The following DNASE1 variants were observed in gnomAD, a reference collection of about 807,000 sequenced individuals.
The protein encoded by DNASE1 is deoxyribonuclease 1.
Under a neutral mutation model 33.9 loss-of-function variants are expected in DNASE1, and 40 were observed. That is an observed-to-expected ratio of 1.18 (90% CI 0.92 to 1.54). The LOEUF is 1.54. DNASE1 is among the 40% of genes most tolerant of loss of function. DNASE1 has a pLI of 0.00. For synonymous variants in DNASE1, 216 were observed against 160.0 expected (o/e 1.35, Z -2.64); for missense variants, 518 against 372.6 (o/e 1.39, Z -3.21).
chr16:3,638,259 G>A (rs2041931329), upstream of DNASE1, among the ~76,000 whole-genome samples: 1 of 151,998 alleles, frequency 6.6e-6, no homozygotes, highest in East Asian at 1.9e-4. Context: ...CTGCTTTTAA[G>A]ACTTTTTAAT....
chr16:3,663,513 C>G lies in DNASE1; in HGVS notation c.*5560C>G, dbSNP rs141361125. 1.8e-5 allele frequency: 29 copies of G among 1,614,002 alleles called. No homozygotes were observed. The highest frequency in any genetic ancestry group is 3.3e-4 in the Middle Eastern group (2 of 6,084). Reference sequence around the variant, plus strand: ...GATCAGCTTCTTCTTGTCAAACTCACGAAGGTGCAGCAGGGTGAGCTCATC... The same window carrying G: ...GATCAGCTTCTTCTTGTCAAACTCAGGAAGGTGCAGCAGGGTGAGCTCATC... On this transcript the variant is annotated 3_prime_UTR_variant, in exon 10 of 10. Transcript: ENST00000407479.
rs1178927210 is a variant in DNASE1, at chr16:3,654,981, C to T, written c.-65C>T. On this transcript the variant is annotated 5_prime_UTR_variant, in exon 1 of 9. Coordinates refer to ENST00000246949, the MANE Select transcript of DNASE1 (RefSeq NM_005223.4). ...AGCAGCAAAAGGAGAAAATTGTCATCAAAGGATATTCCAGATTCTTGACAG... is the reference window on the plus strand; with the variant it reads ...AGCAGCAAAAGGAGAAAATTGTCATTAAAGGATATTCCAGATTCTTGACAG... 4.3e-6 allele frequency: 2 copies of T among 469,048 alleles called. No individual in the cohort carries two copies. The highest frequency in any genetic ancestry group is 4.0e-5 in the African/African-American group (2 of 50,328). The allele number at this position is 469,048 out of a possible 1,614,324, so 29.1% of individuals were successfully genotyped here. A position where few individuals can be genotyped will look rare whatever the true frequency, so the allele number is the denominator to read the frequency against.
At chr16:3,632,707 T>G (rs1161003766) in intron 1 of DNASE1, among the ~76,000 whole-genome samples, 1 of 152,022 alleles carries the variant, frequency 6.6e-6, no homozygotes, top group Middle Eastern at 3.2e-3. Flanking sequence ...TGCCTCAGCC[T>G]CCTAAGTAGC....
At chr16:3,621,043 C>G (rs2041293224) in intron 1 of DNASE1, among the ~76,000 whole-genome samples, 1 of 152,022 alleles carries the variant, frequency 6.6e-6, no homozygotes, top group Non-Finnish European at 1.5e-5. Context: ...CGTGATCCAC[C>G]CGCCTCAGCC....
In DNASE1 at chr16:3,621,230, C is replaced by T. The variant is rs894275735; in HGVS notation, c.-1359+9224C>T. 1.1e-4 allele frequency among the ~76,000 whole-genome samples: 17 copies of T among 152,182 alleles called. 2 individuals are homozygous for T. Among genetic ancestry groups the T allele is most frequent in the Non-Finnish European group, 1.2e-4 (8 of 68,016 alleles). On this transcript the variant is annotated intron_variant and NMD_transcript_variant, in intron 1 of 11. Coordinates refer to the DNASE1 transcript ENST00000570769. ...TATCCCGAGTAGCCAAGAGTACAAG[C>T]GTGTGCCACCACACCCAACTGACTT...
upstream of DNASE1, chr16:3,640,903 A>G (rs1038031261): frequency 2.5e-6 from 1 of 398,358 alleles, no homozygotes; most frequent in Non-Finnish European, 4.4e-6. Flanking sequence ...CCCGTCACCC[A>G]TGAGCTCTCA....
intron 1 of DNASE1, among the ~76,000 whole-genome samples, chr16:3,636,428 C>G (rs2041869106): frequency 6.6e-6 from 1 of 152,134 alleles, no homozygotes; most frequent in South Asian, 2.1e-4. Flanking sequence ...ATTTCTGAGT[C>G]TGGGTTTGAT....
downstream of DNASE1, chr16:3,662,264 C>CGCTG (rs917757466): frequency 2.8e-5 from 30 of 1,080,088 alleles, 1 homozygote; most frequent in East Asian, 1.6e-4. Flanking sequence ...CCTGGACCAG[C>CGCTG]GCTGCTCCCT....
At position 3,657,896 on chromosome 16, in the gene DNASE1, T is replaced by C. The variant is rs200124550; in HGVS notation, c.802-10T>C. 70 of 1,613,918 alleles carry C rather than the reference T, an allele frequency of 4.3e-5. No homozygotes were observed. Among genetic ancestry groups the C allele is most frequent in the Non-Finnish European group, 5.8e-5 (69 of 1,180,008 alleles). ...GGCTCAGCCCAGACCCTGTGCCCAC[T>C]TGCCTGCAGGCCCAAGCCATCAGTG... is the stretch of plus-strand genomic sequence containing the variant. On this transcript the variant is annotated splice_polypyrimidine_tract_variant and intron_variant, in intron 8 of 8. Transcript: ENST00000246949.
chr16:3,627,816 T>C (rs1448787262), intron 1 of DNASE1, among the ~76,000 whole-genome samples: 2 of 152,110 alleles, frequency 1.3e-5, no homozygotes, highest in East Asian at 3.9e-4. Flanking sequence ...TGCAGTTTGT[T>C]AGTAAGTTTT....
At chr16:3,625,681 A>G (rs966030224) in intron 1 of DNASE1, among the ~76,000 whole-genome samples, 2 of 152,172 alleles carry the variant, frequency 1.3e-5, no homozygotes, top group African/African-American at 2.4e-5. Context: ...AAAAAGGCAT[A>G]GGAGGGAATC....
chr16:3,659,492 A>AG (rs1410809931), downstream of DNASE1: 2 of 152,206 alleles, frequency 1.3e-5, no homozygotes, highest in Non-Finnish European at 2.9e-5. Flanking sequence ...CAAACCAAAA[A>AG]GTAAAGAATG....
chr16:3,656,326 C>T (rs771591786), intron 4 of DNASE1, 141 bp downstream of exon 4: 34 of 938,048 alleles, frequency 3.6e-5, no homozygotes, highest in Non-Finnish European at 5.2e-5. Context: ...GTGAAAACAC[C>T]CCAAGGTCCC....
chr16:3,641,538 G>A (rs1303257822), upstream of DNASE1, among the ~76,000 whole-genome samples: 1 of 152,196 alleles, frequency 6.6e-6, no homozygotes, highest in East Asian at 1.9e-4. Context: ...CTGTCCTGGA[G>A]GCCATCCCTG....
chr16:3,615,329 C>A (rs78583939), intron 1 of DNASE1, among the ~76,000 whole-genome samples: 1 of 152,078 alleles, frequency 6.6e-6, no homozygotes, highest in Non-Finnish European at 1.5e-5. Flanking sequence ...AACTGGGGCA[C>A]CTGCTTCTTT....
intron 1 of DNASE1, among the ~76,000 whole-genome samples, chr16:3,646,837 A>G (rs1156263859): frequency 1.3e-5 from 2 of 152,034 alleles, no homozygotes; most frequent in African/African-American, 4.8e-5. Context: ...CTCAGGGTGC[A>G]TGGTGCGGGC....
intron 1 of DNASE1, among the ~76,000 whole-genome samples, chr16:3,648,273 A>G (rs1466571917): frequency 7.3e-5 from 11 of 151,556 alleles, no homozygotes; most frequent in Admixed American, 7.2e-4. Context: ...GTGAAAAGCC[A>G]CTGCAGTGGC....
At chr16:3,662,733 G>T (rs1346353964), downstream of DNASE1, 1 of 749,492 alleles carries the variant, frequency 1.3e-6, no homozygotes, top group Non-Finnish European at 2.3e-6. Flanking sequence ...CACGTGCCGA[G>T]CAGGGACCCA....
chr16:3,636,938 A>G (rs570660669), intron 1 of DNASE1, among the ~76,000 whole-genome samples: 2 of 151,838 alleles, frequency 1.3e-5, no homozygotes, highest in African/African-American at 4.8e-5. Flanking sequence ...AGCCTGATCA[A>G]CATGGCGAAA....
Sources: gnomAD v4.1 joint callset for allele counts (sites outside exome capture counted in the v4.1 genomes callset) on GRCh38, gnomAD v4.1.1 for gene constraint, MANE v1.5 for transcripts, NCBI Gene and HGNC (gene_info 2026-07-23, HGNC 2026-07-21) for gene names.